The following CHST9 variants were observed in gnomAD, a reference collection of about 807,000 sequenced individuals.
CHST9 encodes the protein carbohydrate sulfotransferase 9.
Under a neutral mutation model 44.4 loss-of-function variants are expected in CHST9, and 41 were observed. The observed-to-expected ratio is 0.92, with a 90% CI of 0.72 to 1.20. The LOEUF is 1.20. Ranked by LOEUF, CHST9 falls within the 50% of genes most tolerant of loss-of-function variation. CHST9 has a pLI of 0.00. For missense variants in CHST9, 504 were observed against 516.5 expected, an observed-to-expected ratio of 0.98 and a Z score of 0.23; for synonymous variants, 171 against 178.4, an observed-to-expected ratio of 0.96 and a Z score of 0.33.
intron 2 of CHST9, among the ~76,000 whole-genome samples, chr18:27,077,942 C>T (rs979005769): frequency 2.0e-5 from 3 of 151,988 alleles, no homozygotes; most frequent in Admixed American, 6.6e-5. Context: ...GGGAAGCAAG[C>T]ATGTTTCCAT....
At chr18:27,176,626 G>T (rs746777041) in intron 1 of CHST9, among the ~76,000 whole-genome samples, 1 of 151,986 alleles carries the variant, frequency 6.6e-6, no homozygotes, top group Non-Finnish European at 1.5e-5. Flanking sequence ...TGTATGAGCT[G>T]TATCTACAAG....
At chr18:27,050,568 C>T (rs138338863) in intron 2 of CHST9, among the ~76,000 whole-genome samples, 54 of 152,242 alleles carry the variant, frequency 3.5e-4, no homozygotes, top group East Asian at 3.1e-3. Flanking sequence ...TCCCTTATGT[C>T]GCTGCCAAAA....
intron 4 of CHST9, among the ~76,000 whole-genome samples, chr18:26,968,469 C>G (rs1415830163): frequency 6.6e-6 from 1 of 152,104 alleles, no homozygotes; most frequent in African/African-American, 2.4e-5. Flanking sequence ...TATTTTTCTA[C>G]AGCTTGTCCA....
Position 26,913,367 on chromosome 18 carries a change from G to A in CHST9, c.*2892C>T, listed in dbSNP as rs1046299490. 3 of 152,212 alleles carry A rather than the reference G, an allele frequency of 2.0e-5. No individual in the cohort carries two copies. Among genetic ancestry groups the A allele is most frequent in the East Asian group, 1.9e-4 (1 of 5,178 alleles). The allele number at this position is 152,212 out of a possible 1,614,324, so 9.4% of individuals were successfully genotyped here. Reference sequence around the variant, plus strand: ...ATTGAATTAATGGATATTTCCAAATGTTTGAGAAAATCCGAAAACTGGATG... The same window carrying A: ...ATTGAATTAATGGATATTTCCAAATATTTGAGAAAATCCGAAAACTGGATG... On this transcript the variant is annotated 3_prime_UTR_variant, in exon 6 of 6. Transcript: ENST00000618847.
intron 4 of CHST9, among the ~76,000 whole-genome samples, chr18:27,002,312 AC>A (rs2056963822): frequency 6.6e-6 from 1 of 152,142 alleles, no homozygotes; most frequent in Non-Finnish European, 1.5e-5. Flanking sequence ...GCCTCCTGCA[AC>A]AAAAACTGAG....
At chr18:26,992,049 T>C (rs1257660435) in intron 4 of CHST9, among the ~76,000 whole-genome samples, 1 of 127,290 alleles carries the variant, frequency 7.9e-6, no homozygotes, top group East Asian at 2.7e-4. Context: ...AAGGAAAAAT[T>C]GATGTTGTTA....
chr18:27,006,881 C>T (rs1260566911), intron 4 of CHST9, among the ~76,000 whole-genome samples: 1 of 152,150 alleles, frequency 6.6e-6, no homozygotes, highest in Non-Finnish European at 1.5e-5. Context: ...GATGGTGATC[C>T]TGTCATGGCA....
chr18:27,013,030 G>A (rs1042450521), intron 4 of CHST9, among the ~76,000 whole-genome samples: 1 of 152,176 alleles, frequency 6.6e-6, no homozygotes, highest in Non-Finnish European at 1.5e-5. Context: ...TCAAACTGGT[G>A]CAGTGGAGTC....
intron 4 of CHST9, among the ~76,000 whole-genome samples, chr18:26,974,142 A>G (rs2056588149): frequency 6.6e-6 from 1 of 152,226 alleles, no homozygotes. Flanking sequence ...ACCTATAACA[A>G]CTCAGGGAGA....
At chr18:27,086,765 A>ATAC (rs1379241348) in intron 2 of CHST9, among the ~76,000 whole-genome samples, 1 of 152,186 alleles carries the variant, frequency 6.6e-6, no homozygotes, top group East Asian at 1.9e-4. Flanking sequence ...GAAAGTGAGT[A>ATAC]TACTATATAC....
Position 26,917,240 on chromosome 18 carries a change from C to T in CHST9, c.351G>A (p.Gly117=). The T allele has an allele frequency of 6.2e-7, 1 of 1,613,800 alleles. No individual in the cohort carries two copies. The highest frequency in any genetic ancestry group is 8.5e-7 in the Non-Finnish European group (1 of 1,179,816). Residue 117 remains glycine, a synonymous_variant, in exon 6 of 6, where the codon GGG becomes GGA. Coordinates refer to ENST00000618847, the MANE Select transcript of CHST9 (RefSeq NM_031422.6). ...LLTKTSHSQG[G]DQALSKSTGS... ...CTGTGGACTTACTTAAAGCTTGATC[C>T]CCTCCTTGTGAATGACTGGTCTTTG... is the stretch of plus-strand genomic sequence containing the variant.
At chr18:27,075,585 T>G (rs1298830353) in intron 2 of CHST9, among the ~76,000 whole-genome samples, 1 of 152,204 alleles carries the variant, frequency 6.6e-6, no homozygotes, top group Non-Finnish European at 1.5e-5. Flanking sequence ...TGGATCATAA[T>G]AACACATAAT....
At chr18:27,123,457 T>C (rs1278510152) in intron 2 of CHST9, among the ~76,000 whole-genome samples, 2 of 152,170 alleles carry the variant, frequency 1.3e-5, no homozygotes, top group Non-Finnish European at 1.5e-5. Flanking sequence ...GTAGGGTTTT[T>C]AAAAATAGAG....
At chr18:27,118,695 G>T (rs1190107920) in intron 2 of CHST9, among the ~76,000 whole-genome samples, 2 of 152,344 alleles carry the variant, frequency 1.3e-5, no homozygotes, top group East Asian at 3.9e-4. Context: ...GGCCCCTGAG[G>T]CCATGCTCAC....
intron 2 of CHST9, among the ~76,000 whole-genome samples, chr18:27,141,616 A>AC (rs2058567379): frequency 7.4e-6 from 1 of 135,502 alleles, no homozygotes; most frequent in African/African-American, 2.7e-5. Context: ...AAAAAAAAAA[A>AC]GTAGGAGGAT....
chr18:27,039,268 C>T (rs1385531448), intron 3 of CHST9, among the ~76,000 whole-genome samples: 1 of 152,116 alleles, frequency 6.6e-6, no homozygotes. Flanking sequence ...GGAAGCAACT[C>T]AAGTGCCCAT....
intron 1 of CHST9, among the ~76,000 whole-genome samples, chr18:27,157,028 T>G (rs1472530463): frequency 6.6e-6 from 1 of 152,088 alleles, no homozygotes; most frequent in Non-Finnish European, 1.5e-5. Flanking sequence ...ACCTTATTTC[T>G]GAATTATTTT....
At chr18:27,134,256 TAG>T (rs1469013219) in intron 2 of CHST9, among the ~76,000 whole-genome samples, 1 of 151,990 alleles carries the variant, frequency 6.6e-6, no homozygotes, top group African/African-American at 2.4e-5. Flanking sequence ...TGCTTCAATG[TAG>T]AGAGAGAAAG....
intron 1 of CHST9, among the ~76,000 whole-genome samples, chr18:27,169,098 A>G (rs2058813932): frequency 6.6e-6 from 1 of 152,206 alleles, no homozygotes; most frequent in South Asian, 2.1e-4. Context: ...AGATGAGAAT[A>G]AAACCCAGTC....
Sources: gnomAD v4.1 joint callset for allele counts (sites outside exome capture counted in the v4.1 genomes callset) on GRCh38, gnomAD v4.1.1 for gene constraint, MANE v1.5 for transcripts, NCBI Gene and HGNC (gene_info 2026-07-23, HGNC 2026-07-21) for gene names.